Variants in AGBL2 observed in about 807,000 individuals in gnomAD.
The protein encoded by AGBL2 is AGBL carboxypeptidase 2, also known as cytosolic carboxypeptidase 2.
In AGBL2, 87 loss-of-function variants were observed where a neutral mutation model predicts 103.0. The observed-to-expected ratio is 0.84, with a 90% CI of 0.71 to 1.01. The LOEUF (loss-of-function observed/expected upper bound fraction) is 1.01. AGBL2 is among the 50% of genes least tolerant of loss of function. The probability of loss-of-function intolerance (pLI) is 0.00; values close to 1 mark genes in which losing one functional copy is unlikely to be tolerated. For synonymous variants in AGBL2, 335 were observed against 356.7 expected (o/e 0.94, Z 0.69); for missense variants, 904 against 1,023.5 (o/e 0.88, Z 1.59).
At chr11:47,668,751 A>C in intron 15 of AGBL2, 90 bp downstream of exon 15, 1 of 980,966 alleles carries the variant, frequency 1.0e-6, no homozygotes. Flanking sequence ...TGCAGGTCTT[A>C]GGACTGTTGG....
intron 11 of AGBL2, 108 bp from the exon 12 acceptor site, chr11:47,682,203 T>C: frequency 8.8e-7 from 1 of 1,133,312 alleles, no homozygotes; most frequent in South Asian, 1.5e-5. Context: ...ATATGTTATT[T>C]CCCAAAGCAT....
chr11:47,695,888 G>A (rs1255718495), intron 8 of AGBL2, among the ~76,000 whole-genome samples: 2 of 151,502 alleles, frequency 1.3e-5, no homozygotes, highest in East Asian at 3.9e-4. Flanking sequence ...AAACCAGCCA[G>A]GTGTGGTGGG....
intron 17 of AGBL2, among the ~76,000 whole-genome samples, chr11:47,664,442 C>T (rs922374143): frequency 1.0e-4 from 15 of 149,876 alleles, no homozygotes; most frequent in Admixed American, 1.3e-4. Context: ...GACGGGGTTT[C>T]GCTCTATTGC....
At position 47,705,918 on chromosome 11, in the gene AGBL2, C is replaced by T. The variant is rs189443912; in HGVS notation, c.233-1G>A. On this transcript the variant is annotated splice_acceptor_variant, in intron 4 of 18. Coordinates refer to ENST00000525123, the MANE Select transcript of AGBL2 (RefSeq NM_024783.4). LOFTEE classifies it high-confidence loss of function. ...ACAGCTGAAGATAAACTGATAGGCCCTAGAAAGAGGAAGAGGAGGCACCCT... is the reference window on the plus strand; with the variant it reads ...ACAGCTGAAGATAAACTGATAGGCCTTAGAAAGAGGAAGAGGAGGCACCCT... 17 of 1,613,976 alleles carry T rather than the reference C, an allele frequency of 1.1e-5. No homozygotes were observed. In the Admixed American group the frequency reaches 2.7e-4, roughly 25 times the overall value.
chr11:47,669,324 T>C (rs1054662541), intron 14 of AGBL2, among the ~76,000 whole-genome samples: 6 of 152,312 alleles, frequency 3.9e-5, no homozygotes, highest in African/African-American at 1.4e-4. Context: ...TGCCTCAGCC[T>C]CTTAAAGTAC....
intron 13 of AGBL2, among the ~76,000 whole-genome samples, chr11:47,679,447 G>A (rs1164143096): frequency 6.6e-6 from 1 of 151,736 alleles, no homozygotes; most frequent in Non-Finnish European, 1.5e-5. Flanking sequence ...GTGAGGGAGA[G>A]GTGTTCCAAA....
intron 12 of AGBL2, among the ~76,000 whole-genome samples, chr11:47,680,603 A>G (rs2097397503): frequency 6.6e-6 from 1 of 152,182 alleles, no homozygotes; most frequent in African/African-American, 2.4e-5. Flanking sequence ...ACATGGTGAG[A>G]CCTTGTCTCT....
intron 4 of AGBL2, among the ~76,000 whole-genome samples, chr11:47,707,792 T>C (rs2097525748): frequency 6.6e-6 from 1 of 152,198 alleles, no homozygotes; most frequent in Non-Finnish European, 1.5e-5. Context: ...TTTAAAAAAA[T>C]GGTAACTTGC....
chr11:47,665,108 C>T (rs985099363), intron 17 of AGBL2, among the ~76,000 whole-genome samples: 1 of 150,972 alleles, frequency 6.6e-6, no homozygotes, highest in Non-Finnish European at 1.5e-5. Context: ...CCAAGCTGGG[C>T]GCAATCTCAG....
At position 47,666,992 on chromosome 11, in the gene AGBL2, A is replaced by G. The variant is rs1338757715; in HGVS notation, c.2412T>C (p.Phe804=). The part of the protein sequence containing the change: ...TFFKNSENSS[F]LPMKNENPRL... ...TTGGGTTTTCATTTTTCATTGGTAA[A>G]AAACTGGAATTCTCTGAGTTTTTGA... The change falls in exon 17 of 19, where the codon TTT becomes TTC. Residue 804 remains phenylalanine (F), a synonymous_variant. Transcript: ENST00000525123. 1 of 1,613,738 alleles carries G rather than the reference A, an allele frequency of 6.2e-7. No individual in the cohort carries two copies. Among genetic ancestry groups the G allele is most frequent in the South Asian group, 1.1e-5 (1 of 90,922 alleles).
intron 18 of AGBL2, among the ~76,000 whole-genome samples, chr11:47,662,129 T>C (rs954342729): frequency 5.9e-5 from 9 of 152,096 alleles, no homozygotes; most frequent in African/African-American, 1.9e-4. Flanking sequence ...TAGGGATAAA[T>C]ATGAATTCAT....
chr11:47,664,145 G>A (rs889692075), intron 17 of AGBL2, among the ~76,000 whole-genome samples: 4 of 152,148 alleles, frequency 2.6e-5, no homozygotes, highest in Non-Finnish European at 5.9e-5. Flanking sequence ...GTGAGTCACC[G>A]TGCCTGGGCA....
At chr11:47,664,869 C>T (rs1008767939) in intron 17 of AGBL2, among the ~76,000 whole-genome samples, 3 of 148,446 alleles carry the variant, frequency 2.0e-5, no homozygotes, top group Admixed American at 6.8e-5. Context: ...CAAAACCCAC[C>T]TCCCACCTTT....
Position 47,660,154 on chromosome 11 carries a change from TGGCACAGCCCAGGCTCACCTACGG to T in AGBL2, c.2704_*18del. 1 of 1,586,104 alleles carries T rather than the reference TGGCACAGCCCAGGCTCACCTACGG, an allele frequency of 6.3e-7. No individual in the cohort carries two copies. Among genetic ancestry groups the T allele is most frequent in the African/African-American group, 1.4e-5 (1 of 73,982 alleles). ...CAAAACCCCCGATGAAGTGCTTGTG[TGGCACAGCCCAGGCTCACCTACGG>T]GTATGTGTATATGTGCAAGGATGGG... On this transcript the variant is annotated stop_lost and 3_prime_UTR_variant, in exon 19 of 19. Transcript: ENST00000525123.
chr11:47,664,473 G>A (rs911077125), intron 17 of AGBL2, among the ~76,000 whole-genome samples: 2 of 149,552 alleles, frequency 1.3e-5, no homozygotes, highest in Admixed American at 6.7e-5. Flanking sequence ...GTGCAGTGGC[G>A]TGATCTCGGC....
chr11:47,666,186 C>A (rs956766930), intron 17 of AGBL2, among the ~76,000 whole-genome samples: 1 of 151,536 alleles, frequency 6.6e-6, no homozygotes, highest in Non-Finnish European at 1.5e-5. Context: ...TTGAGTTTAG[C>A]AGTTTGAGAC....
intron 16 of AGBL2, 152 bp from the exon 17 acceptor site, chr11:47,667,215 G>A (rs922364276): frequency 1.6e-6 from 1 of 639,548 alleles, no homozygotes; most frequent in Non-Finnish European, 2.7e-6. Context: ...AAAGATTGAT[G>A]AGCTATCCAG....
At chr11:47,678,330 A>ATTATTTTTT (rs1565026506) in intron 13 of AGBL2, among the ~76,000 whole-genome samples, 3 of 114,378 alleles carry the variant, frequency 2.6e-5, no homozygotes, top group Non-Finnish European at 6.1e-5. Context: ...ATTTTATTTT[A>ATTATTTTTT]TTTTATTATT....
intron 10 of AGBL2, among the ~76,000 whole-genome samples, chr11:47,688,150 G>T (rs2097431622): frequency 6.6e-6 from 1 of 151,828 alleles, no homozygotes; most frequent in Non-Finnish European, 1.5e-5. Flanking sequence ...TAATACACGG[G>T]GTCTCACTGT....
Sources: gnomAD v4.1 joint callset for allele counts (sites outside exome capture counted in the v4.1 genomes callset) on GRCh38, gnomAD v4.1.1 for gene constraint, MANE v1.5 for transcripts, NCBI Gene and HGNC (gene_info 2026-07-23, HGNC 2026-07-21) for gene names.